SPATA13: variants seen among roughly 807,000 people sequenced by gnomAD.
The protein encoded by SPATA13 is spermatogenesis-associated protein 13.
In SPATA13, 50 loss-of-function variants were observed where a neutral mutation model predicts 104.0. The ratio of observed to expected loss-of-function variants is 0.48; its 90% confidence interval spans 0.38 to 0.61. The LOEUF (loss-of-function observed/expected upper bound fraction) is 0.61, where lower values mean the gene tolerates loss of function less well. Among genes scored for constraint, SPATA13 ranks in the 20% least tolerant of loss-of-function variants. The probability of loss-of-function intolerance (pLI) is 0.00; values close to 1 mark genes in which losing one functional copy is unlikely to be tolerated. For missense variants in SPATA13, 1,524 were observed against 1,690.6 expected (o/e 0.90, Z 1.73); for synonymous variants, 606 against 667.5 (o/e 0.91, Z 1.42).
At chr13:24,202,520 CT>C (rs10608738) in intron 1 of SPATA13, among the ~76,000 whole-genome samples, 4,924 of 88,256 alleles carry the variant, frequency 0.056, 345 homozygotes, top group African/African-American at 0.18. Flanking sequence ...CTTTCTTTCC[CT>C]TTTTTTTTTT....
At chr13:24,123,103 T>C (rs928964969) in intron 3 of SPATA13, 1 of 999,904 alleles carries the variant, frequency 1.0e-6, no homozygotes, top group African/African-American at 1.6e-5. Flanking sequence ...TATTCACAGA[T>C]CATTTTCTGA....
chr13:24,207,325 G>A (rs1463065268), intron 1 of SPATA13, among the ~76,000 whole-genome samples: 2 of 152,178 alleles, frequency 1.3e-5, no homozygotes, highest in African/African-American at 2.4e-5. Context: ...CATGGCATAC[G>A]TTTACCTAGG....
chr13:24,189,149 A>G (rs1869345128), intron 1 of SPATA13, among the ~76,000 whole-genome samples: 1 of 152,114 alleles, frequency 6.6e-6, no homozygotes, highest in African/African-American at 2.4e-5. Flanking sequence ...TCAAGGAGTA[A>G]TTTTGACTCT....
At chr13:24,065,395 A>G (rs1878919836) in intron 3 of SPATA13, among the ~76,000 whole-genome samples, 2 of 152,170 alleles carry the variant, frequency 1.3e-5, no homozygotes, top group South Asian at 2.1e-4. Context: ...ATGTTCCTCC[A>G]CTGCACAATT....
Position 24,051,027 on chromosome 13 carries a change from A to G in SPATA13, c.-112+33326A>G, listed in dbSNP as rs7987854. The stretch of plus-strand genomic sequence containing the variant: ...GAGTGTACTGTGAGCTAAGCAGGCT[A>G]TAGACCCATATCTGCCATCCACCAG... On this transcript the variant is annotated intron_variant, in intron 3 of 14. Coordinates refer to the SPATA13 transcript ENST00000424834. This position sits in a 1 kb window ranked among gnomAD's most constrained non-coding sequence, Gnocchi z 4.2. Among the ~76,000 whole-genome samples, 66,173 of 152,054 alleles carry G rather than the reference A, an allele frequency of 0.44. 16,208 individuals carry two copies. Among genetic ancestry groups the G allele is most frequent in the African/African-American group, 0.67 (27,766 of 41,462 alleles).
At chr13:24,283,736 G>A (rs1220379224) in intron 4 of SPATA13, among the ~76,000 whole-genome samples, 1 of 152,222 alleles carries the variant, frequency 6.6e-6, no homozygotes, top group Admixed American at 6.5e-5. Flanking sequence ...TGCAGATAAA[G>A]GATGGAAGCA....
intron 3 of SPATA13, among the ~76,000 whole-genome samples, chr13:24,092,429 G>A (rs1879938822): frequency 6.6e-6 from 1 of 152,174 alleles, no homozygotes; most frequent in African/African-American, 2.4e-5. Flanking sequence ...GGTATAACTG[G>A]AATAAAAAGA....
chr13:24,198,151 A>G (rs899501752), intron 1 of SPATA13, among the ~76,000 whole-genome samples: 4 of 152,090 alleles, frequency 2.6e-5, no homozygotes, highest in Non-Finnish European at 5.9e-5. Flanking sequence ...GCCCGCCACC[A>G]TGCCAGCTAA....
intron 1 of SPATA13, among the ~76,000 whole-genome samples, chr13:24,211,464 A>G (rs1484887582): frequency 1.3e-5 from 2 of 151,776 alleles, no homozygotes; most frequent in Non-Finnish European, 2.9e-5. Context: ...ATCATGAAAG[A>G]CTGTTGAATT....
chr13:24,270,675 G>T, intron 4 of SPATA13: 1 of 1,407,918 alleles, frequency 7.1e-7, no homozygotes, highest in Non-Finnish European at 9.5e-7. Context: ...ACGGAGTGTG[G>T]AGCCAGCTGT....
intron 4 of SPATA13, chr13:24,253,176 T>C (rs1316289034): frequency 6.6e-6 from 1 of 152,152 alleles, no homozygotes; most frequent in Admixed American, 6.6e-5. Flanking sequence ...GGGTGGGGTG[T>C]CTGTCTCCAG....
chr13:24,236,322 C>T (rs1404558439), intron 2 of SPATA13, among the ~76,000 whole-genome samples: 1 of 152,118 alleles, frequency 6.6e-6, no homozygotes, highest in Non-Finnish European at 1.5e-5. Flanking sequence ...GGGCAGAGGA[C>T]TTGAATAGAC....
intron 3 of SPATA13, among the ~76,000 whole-genome samples, chr13:24,155,484 CCA>C (rs1356860628): frequency 1.3e-5 from 2 of 151,896 alleles, no homozygotes; most frequent in African/African-American, 4.8e-5. Context: ...CAGTGCTAGT[CCA>C]CACACACTCT....
chr13:23,983,924 G>C, exon 2 of SPATA13: 1 of 985,446 alleles, frequency 1.0e-6, no homozygotes, highest in Non-Finnish European at 1.2e-6. Context: ...CAAACATCCT[G>C]GCCGTGAAGG....
chr13:24,047,859 A>T (rs1381159249), intron 3 of SPATA13, among the ~76,000 whole-genome samples: 1 of 152,168 alleles, frequency 6.6e-6, no homozygotes, highest in Non-Finnish European at 1.5e-5. Flanking sequence ...TAACCTGGAG[A>T]TGTGGGAGAG....
chr13:24,303,385 T>G lies in SPATA13; in HGVS notation c.*612T>G. Reference sequence around the variant, plus strand: ...TGCAAATGTCATCCTGCAAGGTTCCTCTTCCTGCAAGCAAAGTGGAGAGAA... The same window carrying G: ...TGCAAATGTCATCCTGCAAGGTTCCGCTTCCTGCAAGCAAAGTGGAGAGAA... On this transcript the variant is annotated 3_prime_UTR_variant, in exon 13 of 13. Coordinates refer to ENST00000382108, the MANE Select transcript of SPATA13 (RefSeq NM_001166271.3). The G allele has an allele frequency of 4.9e-6, 1 of 204,106 alleles. No individual in the cohort carries two copies. 12.6% of individuals were successfully genotyped at this position (204,106 alleles called of 1,614,324 possible).
chr13:24,157,744 C>A (rs961250815), upstream of SPATA13, among the ~76,000 whole-genome samples: 1 of 152,164 alleles, frequency 6.6e-6, no homozygotes, highest in Non-Finnish European at 1.5e-5. Flanking sequence ...CTGAATGGAA[C>A]TTTCAGCAGA....
upstream of SPATA13, among the ~76,000 whole-genome samples, chr13:24,160,370 T>C (rs1350024444): frequency 6.6e-6 from 1 of 152,160 alleles, no homozygotes; most frequent in African/African-American, 2.4e-5. Context: ...CTTAGCCTCC[T>C]GAGTAGCTGG....
At position 24,224,541 on chromosome 13, in the gene SPATA13, A is replaced by C. The variant is rs1871820267; in HGVS notation, c.1612A>C (p.Ile538Leu). 6.5e-7 allele frequency: 1 copy of C among 1,543,598 alleles called. No homozygotes were observed. The change falls in exon 2 of 13, where the codon ATT becomes CTT. Residue 538 changes from isoleucine (I) to leucine (L), a missense_variant. Ile to Leu is a conservative substitution (Grantham distance 5). Coordinates refer to ENST00000382108, the MANE Select transcript of SPATA13 (RefSeq NM_001166271.3). ...DEGSKDLLVNIGVAAGPEEKE... is the reference protein window; with the variant it reads ...DEGSKDLLVNLGVAAGPEEKE... Reference sequence around the variant, plus strand: ...GGGCAGCAAGGACCTTCTGGTGAACATTGGTGTGGCAGCCGGCCCAGAAGA... The same window carrying C: ...GGGCAGCAAGGACCTTCTGGTGAACCTTGGTGTGGCAGCCGGCCCAGAAGA...
Sources: gnomAD v4.1 joint callset for allele counts (sites outside exome capture counted in the v4.1 genomes callset) on GRCh38, gnomAD v4.1.1 for gene constraint, Gnocchi (gnomAD v3.1) non-coding constraint, MANE v1.5 for transcripts, NCBI Gene and HGNC (gene_info 2026-07-23, HGNC 2026-07-21) for gene names.